FBXO8: variants seen among roughly 807,000 people sequenced by gnomAD.
The protein encoded by FBXO8 is F-box only protein 8.
Under a neutral mutation model 33.4 loss-of-function variants are expected in FBXO8, and 15 were observed. The ratio of observed to expected loss-of-function variants is 0.45; its 90% CI spans 0.30 to 0.69. FBXO8 has a LOEUF of 0.69. Among genes scored for constraint, FBXO8 ranks in the 30% least tolerant of loss-of-function variants. FBXO8 has a pLI of 0.08. For synonymous variants in FBXO8, 132 were observed against 131.5 expected (o/e 1.00, Z -0.02); for missense variants, 274 against 380.3 (o/e 0.72, Z 2.32).
At chr4:174,242,467 T>A (rs1252381921) in intron 3 of FBXO8, among the ~76,000 whole-genome samples, 1 of 151,596 alleles carries the variant, frequency 6.6e-6, no homozygotes, top group Non-Finnish European at 1.5e-5. Flanking sequence ...ACTAACTTTA[T>A]GAGCCATCAA....
intron 3 of FBXO8, among the ~76,000 whole-genome samples, chr4:174,246,209 T>C (rs1447072866): frequency 6.6e-6 from 1 of 151,934 alleles, no homozygotes; most frequent in Non-Finnish European, 1.5e-5. Context: ...AGCACCATTT[T>C]TAGGACAGGG....
intron 3 of FBXO8, among the ~76,000 whole-genome samples, chr4:174,246,833 A>T (rs1736170450): frequency 6.6e-6 from 1 of 152,018 alleles, no homozygotes; most frequent in African/African-American, 2.4e-5. Context: ...GAAAACAAAG[A>T]ACATGTTGGT....
chr4:174,259,222 A>G lies in FBXO8; in HGVS notation c.456+477T>C, dbSNP rs1736486892. 1.3e-5 allele frequency among the ~76,000 whole-genome samples: 2 copies of G among 152,128 alleles called. No homozygotes were observed. The highest frequency in any genetic ancestry group is 4.8e-5 in the African/African-American group (2 of 41,472). ...ATCTATAAATAGTTCCTATGTCAAC[A>G]TGGAATTATATTGTTAAAGGCATTA... On this transcript the variant is annotated intron_variant, in intron 3 of 5. Transcript: ENST00000393674. The surrounding 1 kb of genome is among the most constrained non-coding windows in gnomAD (Gnocchi z 4.3).
In FBXO8 at chr4:174,268,420, TTTTTGTTTTG is replaced by T. The variant is rs567209508; in HGVS notation, c.-8-5330_-8-5321del. Among the ~76,000 whole-genome samples the T allele has an allele frequency of 5.9e-5, 9 of 152,034 alleles. No homozygotes were observed. The East Asian group carries it at 9.7e-4, about 16-fold the overall frequency. On this transcript the variant is annotated intron_variant, in intron 1 of 5. Transcript: ENST00000393674. ...CTTCTGCACTAGGCTTGGGGGCCAT[TTTTTGTTTTG>T]TTTTGTTTTGTTTTGTTTTTGAGAT...
rs1401569354 is a variant in FBXO8 at position 174,275,256 on chromosome 4, T to A, written c.-9+8154A>T. 6.6e-6 allele frequency among the ~76,000 whole-genome samples: 1 copy of A among 152,144 alleles called. No homozygotes were observed. The highest frequency in any genetic ancestry group is 1.5e-5 in the Non-Finnish European group (1 of 68,022). Reference sequence around the variant, plus strand: ...GGTTATAAAAGCACAGTGTGAGAGATCCCTGTGGTGTTACAACTATTTACT... The same window carrying A: ...GGTTATAAAAGCACAGTGTGAGAGAACCCTGTGGTGTTACAACTATTTACT... On this transcript the variant is annotated intron_variant, in intron 1 of 5. Transcript: ENST00000393674. The surrounding 1 kb of genome is among the most constrained non-coding windows in gnomAD (Gnocchi z 4.4).
chr4:174,261,971 A>C lies in FBXO8; in HGVS notation c.329+793T>G, dbSNP rs943438440. ...AGAAGGTCTGAGATCCAATGATTCCATGTTTGGTAATATTTTTAGGCCAAA... is the reference window on the plus strand; with the variant it reads ...AGAAGGTCTGAGATCCAATGATTCCCTGTTTGGTAATATTTTTAGGCCAAA... On this transcript the variant is annotated intron_variant, in intron 2 of 5. Coordinates refer to ENST00000393674, the MANE Select transcript of FBXO8 (RefSeq NM_012180.3). This position sits in a 1 kb window ranked among gnomAD's most constrained non-coding sequence, Gnocchi z 4.1. 5.3e-5 allele frequency among the ~76,000 whole-genome samples: 8 copies of C among 152,036 alleles called. No homozygotes were observed. Among genetic ancestry groups the C allele is most frequent in the Non-Finnish European group, 1.2e-4 (8 of 67,928 alleles).
chr4:174,264,911 T>C (rs1010513351), intron 1 of FBXO8, among the ~76,000 whole-genome samples: 1 of 151,548 alleles, frequency 6.6e-6, no homozygotes, highest in Non-Finnish European at 1.5e-5. Context: ...TGTGAAGAAC[T>C]CTTAAACCTC....
chr4:174,238,914 T>C (rs891751422), intron 5 of FBXO8, 80 bp downstream of exon 5: 7 of 892,762 alleles, frequency 7.8e-6, no homozygotes, highest in African/African-American at 1.7e-5. Context: ...TTCCCCACAG[T>C]GAGACAAATG....
In FBXO8 at chr4:174,237,723, G is replaced by A. The variant is rs1431511326; in HGVS notation, c.773-124C>T. 1.3e-6 allele frequency: 1 copy of A among 751,176 alleles called. No homozygotes were observed. Among genetic ancestry groups the A allele is most frequent in the Non-Finnish European group, 2.1e-6 (1 of 485,376 alleles). 46.5% of individuals were successfully genotyped at this position (751,176 alleles called of 1,614,324 possible). ...CAAGATTAGCTCATAAATACAGAGT[G>A]ACCAATCCATCCCAGTTTGTCTAGA... On this transcript the variant is annotated intron_variant, in intron 5 of 5. Coordinates refer to ENST00000393674, the MANE Select transcript of FBXO8 (RefSeq NM_012180.3). This position sits in a 1 kb window ranked among gnomAD's most constrained non-coding sequence, Gnocchi z 4.4.
chr4:174,245,039 A>G lies in FBXO8; in HGVS notation c.457-3821T>C, dbSNP rs1736128586. Among the ~76,000 whole-genome samples, 1 of 151,866 alleles carries G rather than the reference A, an allele frequency of 6.6e-6. No homozygotes were observed. The highest frequency in any genetic ancestry group is 2.1e-4 in the South Asian group (1 of 4,830). On this transcript the variant is annotated intron_variant, in intron 3 of 5. Transcript: ENST00000393674. The surrounding 1 kb of genome is among the most constrained non-coding windows in gnomAD (Gnocchi z 4.6). ...TATTTTTTAAAACATGAAGCAATAC[A>G]TTAAAATTGTCCACATTTTATTTTT...
chr4:174,246,675 C>T (rs967397104), intron 3 of FBXO8, among the ~76,000 whole-genome samples: 5 of 151,286 alleles, frequency 3.3e-5, no homozygotes, highest in East Asian at 3.9e-4. Context: ...GACTGATGTG[C>T]GGGAGATTTT....
At position 174,253,959 on chromosome 4, in the gene FBXO8, GATC is replaced by G. The variant is rs1736357955; in HGVS notation, c.456+5737_456+5739del. ...GTCAACACACTCAGGTCCATCAAGA[GATC>G]ATCATCTCACTAAAGTAACTGGGAT... On this transcript the variant is annotated intron_variant, in intron 3 of 5. Coordinates refer to ENST00000393674, the MANE Select transcript of FBXO8 (RefSeq NM_012180.3). This position sits in a 1 kb window ranked among gnomAD's most constrained non-coding sequence, Gnocchi z 4.5. Among the ~76,000 whole-genome samples, 2 of 152,154 alleles carry G rather than the reference GATC, an allele frequency of 1.3e-5. No individual in the cohort carries two copies. Among genetic ancestry groups the G allele is most frequent in the Non-Finnish European group, 2.9e-5 (2 of 68,026 alleles).
rs373783765 is a variant in FBXO8 at position 174,241,092 on chromosome 4, G to A, written c.575+8C>T. 5.3e-4 allele frequency: 805 copies of A among 1,518,068 alleles called. No individual in the cohort carries two copies. Among genetic ancestry groups the A allele is most frequent in the Non-Finnish European group, 6.5e-4 (716 of 1,101,674 alleles). The allele number at this position is 1,518,068 out of a possible 1,614,324, so 94.0% of individuals were successfully genotyped here. A position where few individuals can be genotyped will look rare whatever the true frequency, so the allele number is the denominator to read the frequency against. ...CATTTTGGATGAAAAGTTAATTTTC[G>A]TTTTTACCTTTCATCAAGATAGATT... is the stretch of plus-strand genomic sequence containing the variant. On this transcript the variant is annotated splice_region_variant and intron_variant, in intron 4 of 5. Transcript: ENST00000393674. The surrounding 1 kb of genome is among the most constrained non-coding windows in gnomAD (Gnocchi z 4.2).
chr4:174,255,662 CA>C lies in FBXO8; in HGVS notation c.456+4036del, dbSNP rs1736398739. On this transcript the variant is annotated intron_variant, in intron 3 of 5. Coordinates refer to ENST00000393674, the MANE Select transcript of FBXO8 (RefSeq NM_012180.3). This position sits in a 1 kb window ranked among gnomAD's most constrained non-coding sequence, Gnocchi z 4.3. Reference sequence around the variant, plus strand: ...AAAACTGTTTAAAAACACAATTACACAAACAAAAATAAGCCTATATTAAAGT... The same window carrying C: ...AAAACTGTTTAAAAACACAATTACACAACAAAAATAAGCCTATATTAAAGT... 6.6e-6 allele frequency among the ~76,000 whole-genome samples: 1 copy of C among 151,268 alleles called. No homozygotes were observed. The highest frequency in any genetic ancestry group is 2.4e-5 in the African/African-American group (1 of 41,218).
intron 3 of FBXO8, among the ~76,000 whole-genome samples, chr4:174,250,615 T>C (rs1419605439): frequency 6.6e-6 from 1 of 152,138 alleles, no homozygotes; most frequent in Non-Finnish European, 1.5e-5. Flanking sequence ...AAACGTTATA[T>C]AGTTTTATGG....
chr4:174,244,622 T>C (rs1464523373), intron 3 of FBXO8, among the ~76,000 whole-genome samples: 1 of 151,734 alleles, frequency 6.6e-6, no homozygotes, highest in Non-Finnish European at 1.5e-5. Context: ...CAGATAACTC[T>C]GAGATGAATC....
At chr4:174,242,128 T>C (rs1650231461) in intron 3 of FBXO8, among the ~76,000 whole-genome samples, 1 of 151,602 alleles carries the variant, frequency 6.6e-6, no homozygotes, top group African/African-American at 2.4e-5. Context: ...TTCCCATGAA[T>C]ACTTATGTCT....
At position 174,247,923 on chromosome 4, in the gene FBXO8, A is replaced by C. The variant is rs1158626460; in HGVS notation, c.457-6705T>G. Among the ~76,000 whole-genome samples the C allele has an allele frequency of 1.3e-5, 2 of 152,010 alleles. No homozygotes were observed. The highest frequency in any genetic ancestry group is 2.9e-5 in the Non-Finnish European group (2 of 67,960). On this transcript the variant is annotated intron_variant, in intron 3 of 5. Coordinates refer to ENST00000393674, the MANE Select transcript of FBXO8 (RefSeq NM_012180.3). The surrounding 1 kb of genome is among the most constrained non-coding windows in gnomAD (Gnocchi z 4.6). ...AATTTTTATCAGTCCAGAAGTTCTC[A>C]TTCTCCCTATTTAAGCAGAGAACAT...
At position 174,247,158 on chromosome 4, in the gene FBXO8, T is replaced by C. The variant is rs79760038; in HGVS notation, c.457-5940A>G. On this transcript the variant is annotated intron_variant, in intron 3 of 5. Coordinates refer to ENST00000393674, the MANE Select transcript of FBXO8 (RefSeq NM_012180.3). The surrounding 1 kb of genome is among the most constrained non-coding windows in gnomAD (Gnocchi z 4.6). ...AAGCCAAATGAAAAAGTACTGATAA[T>C]TGGTACTGAAAGTACTGTCTACTGC... Among the ~76,000 whole-genome samples the C allele has an allele frequency of 0.021, 3,220 of 152,172 alleles. 54 individuals are homozygous for C. The highest frequency in any genetic ancestry group is 0.032 in the Non-Finnish European group (2,199 of 67,964).
Sources: gnomAD v4.1 joint callset for allele counts (sites outside exome capture counted in the v4.1 genomes callset) on GRCh38, gnomAD v4.1.1 for gene constraint, Gnocchi (gnomAD v3.1) non-coding constraint, MANE v1.5 for transcripts, NCBI Gene and HGNC (gene_info 2026-07-23, HGNC 2026-07-21) for gene names.